ZNF564: variants seen among roughly 807,000 people sequenced by gnomAD.
ZNF564 encodes the protein zinc finger protein 564.
ZNF564 carries 5 observed loss-of-function variants against 10.5 expected under a neutral mutation model. That is an observed-to-expected ratio of 0.48 (90% CI 0.25 to 1.00). The LOEUF (loss-of-function observed/expected upper bound fraction) is 1.00. Among genes scored for constraint, ZNF564 ranks in the 50% least tolerant of loss-of-function variants. ZNF564 has a pLI of 0.16. For synonymous variants in ZNF564, 242 were observed against 218.1 expected, an observed-to-expected ratio of 1.11 and a Z score of -0.97; for missense variants, 603 against 669.7, an observed-to-expected ratio of 0.90 and a Z score of 1.10.
intron 3 of ZNF564, 135 bp from the exon 4 acceptor site, chr19:12,528,051 T>G: frequency 9.8e-7 from 1 of 1,016,990 alleles, no homozygotes; most frequent in Non-Finnish European, 1.4e-6. Flanking sequence ...AGTGAATGGA[T>G]GGAATGCTCT....
At chr19:12,528,531 T>C in intron 2 of ZNF564, 39 bp downstream of exon 2, 10 of 1,607,696 alleles carry the variant, frequency 6.2e-6, no homozygotes, top group Non-Finnish European at 8.5e-6. Flanking sequence ...AAATACTTCT[T>C]CTCTAACTGA....
Position 12,539,521 on chromosome 19 carries a change from A to G in ZNF564, c.4-10825T>C, listed in dbSNP as rs10421253. Among the ~76,000 whole-genome samples the G allele has an allele frequency of 9.9e-3, 1,419 of 143,512 alleles. 13 individuals are homozygous for G. The highest frequency in any genetic ancestry group is 0.035 in the African/African-American group (1,341 of 38,826). The allele number at this position is 143,512 out of a possible 152,430, so 94.1% of individuals were successfully genotyped here. ...AAAAATACAAAAAAAAAAAAAAAAG[A>G]GTAGGGCAAGGTGGCACGTACCTGT... On this transcript the variant is annotated intron_variant, in intron 1 of 3. Transcript: ENST00000339282.
At chr19:12,548,323 T>G (rs1431963501) in intron 1 of ZNF564, 1 of 224,168 alleles carries the variant, frequency 4.5e-6, no homozygotes, top group East Asian at 1.8e-4. Flanking sequence ...GTTCACGTCA[T>G]TCTCCTGCCT....
At chr19:12,547,521 G>T (rs1435163679) in intron 1 of ZNF564, among the ~76,000 whole-genome samples, 2 of 152,108 alleles carry the variant, frequency 1.3e-5, no homozygotes, top group Admixed American at 1.3e-4. Context: ...GGAGCCCATG[G>T]TTTACTGTTA....
At chr19:12,528,255 A>G in intron 3 of ZNF564, 49 bp downstream of exon 3, 3 of 1,519,090 alleles carry the variant, frequency 2.0e-6, no homozygotes, top group South Asian at 2.4e-5. Context: ...TTAAAATTTC[A>G]TGACATACTA....
chr19:12,548,408 G>C (rs1399478114), intron 1 of ZNF564, among the ~76,000 whole-genome samples: 1 of 151,916 alleles, frequency 6.6e-6, no homozygotes, highest in Non-Finnish European at 1.5e-5. Flanking sequence ...GTAGAGACCG[G>C]GTTTCACTGT....
Position 12,551,207 on chromosome 19 carries a change from A to G in ZNF564, c.3+123T>C, listed in dbSNP as rs1185838233. 12 of 1,155,368 alleles carry G rather than the reference A, an allele frequency of 1.0e-5. 1 individual carries two copies. The South Asian group carries it at 1.6e-4, about 15-fold the overall frequency. The allele number at this position is 1,155,368 out of a possible 1,614,324, so 71.6% of individuals were successfully genotyped here. A position where few individuals can be genotyped will look rare whatever the true frequency, so the allele number is the denominator to read the frequency against. On this transcript the variant is annotated intron_variant, in intron 1 of 3. Transcript: ENST00000339282. ...AGGGGACAGAGGGCCGAGCTGCGCC[A>G]GGGAACTCGGGTCCCAGACCCTGGA...
At chr19:12,539,151 T>C (rs749338856) in intron 1 of ZNF564, among the ~76,000 whole-genome samples, 2 of 150,008 alleles carry the variant, frequency 1.3e-5, no homozygotes, top group Non-Finnish European at 3.0e-5. Flanking sequence ...GAAGAATCGC[T>C]TGAATCTAGG....
Position 12,527,663 on chromosome 19 carries a change from C to T in ZNF564, c.445G>A (p.Ala149Thr), listed in dbSNP as rs1394959067. The T allele has an allele frequency of 6.2e-7, 1 of 1,614,188 alleles. No individual in the cohort carries two copies. Among genetic ancestry groups the T allele is most frequent in the Non-Finnish European group, 8.5e-7 (1 of 1,180,028 alleles). The change falls in exon 4 of 4, where the codon GCC (alanine) becomes ACC (threonine). Residue 149 changes from alanine to threonine, a missense_variant. Physicochemically the swap from Ala to Thr is moderately conservative, Grantham distance 58. Transcript: ENST00000339282. ...CGAAAGGATTGACAAGAACTGAAGGCTTTCCCACACTGCTTACATTTATAT... is the reference window on the plus strand; with the variant it reads ...CGAAAGGATTGACAAGAACTGAAGGTTTTCCCACACTGCTTACATTTATAT... ...KPYKCKQCGK[A>T]FSSCQSFRRH...
intron 1 of ZNF564, among the ~76,000 whole-genome samples, chr19:12,541,186 G>C (rs1265785763): frequency 6.6e-6 from 1 of 151,292 alleles, no homozygotes; most frequent in East Asian, 1.9e-4. Flanking sequence ...AGGAAGTCTA[G>C]GCTGCAGTGA....
Position 12,526,431 on chromosome 19 carries a change from T to C in ZNF564, c.*15A>G. 1.9e-6 allele frequency: 3 copies of C among 1,558,726 alleles called. No individual in the cohort carries two copies. Among genetic ancestry groups the C allele is most frequent in the African/African-American group, 1.4e-5 (1 of 72,888 alleles). On this transcript the variant is annotated 3_prime_UTR_variant, in exon 4 of 4. Transcript: ENST00000339282. ...TATTCTTTAGATATGTAGATACTTG[T>C]AGACCTGTCCTCCACTATTCATTTT...
intron 1 of ZNF564, chr19:12,532,919 T>C (rs2021837122): frequency 6.6e-6 from 1 of 152,148 alleles, no homozygotes; most frequent in African/African-American, 2.4e-5. Context: ...CTTGTATAGT[T>C]GGAGACTGCA....
chr19:12,525,711 T>C lies in ZNF564; in HGVS notation c.*735A>G. 6.6e-6 allele frequency: 1 copy of C among 152,192 alleles called. No individual in the cohort carries two copies. Among genetic ancestry groups the C allele is most frequent in the South Asian group, 2.1e-4 (1 of 4,828 alleles). The allele number at this position is 152,192 out of a possible 1,614,324, so 9.4% of individuals were successfully genotyped here. On this transcript the variant is annotated 3_prime_UTR_variant, in exon 4 of 4. Transcript: ENST00000339282. The stretch of plus-strand genomic sequence containing the variant: ...GGTTGCTAAAACAAAATACCATAAA[T>C]TGGAAAGCTTAATTAATCAACAAAC...
intron 1 of ZNF564, among the ~76,000 whole-genome samples, chr19:12,539,426 G>A (rs1200876583): frequency 9.3e-5 from 14 of 151,272 alleles, no homozygotes; most frequent in South Asian, 4.2e-4. Flanking sequence ...TTGGGAGGCC[G>A]AGGCGGGTGG....
At chr19:12,542,681 G>A (rs745882897) in intron 1 of ZNF564, among the ~76,000 whole-genome samples, 13 of 145,574 alleles carry the variant, frequency 8.9e-5, no homozygotes, top group Non-Finnish European at 1.8e-4. Flanking sequence ...AAGGAAGGAA[G>A]GAAAGGAAAA....
intron 1 of ZNF564, among the ~76,000 whole-genome samples, chr19:12,533,344 G>T (rs2021844804): frequency 6.6e-6 from 1 of 152,134 alleles, no homozygotes; most frequent in African/African-American, 2.4e-5. Flanking sequence ...AAAAATTAGG[G>T]TATGCAGCAA....
chr19:12,546,324 T>C (rs1485175461), intron 1 of ZNF564, among the ~76,000 whole-genome samples: 1 of 152,166 alleles, frequency 6.6e-6, no homozygotes, highest in East Asian at 1.9e-4. Flanking sequence ...ATAGCTATGA[T>C]TAAAACACTC....
chr19:12,547,960 C>G (rs895188768), intron 1 of ZNF564, among the ~76,000 whole-genome samples: 1 of 151,298 alleles, frequency 6.6e-6, no homozygotes, highest in East Asian at 2.0e-4. Flanking sequence ...TACAGGCATG[C>G]GCCACCATGC....
At chr19:12,530,132 C>T (rs1304243558) in intron 1 of ZNF564, 1 of 152,270 alleles carries the variant, frequency 6.6e-6, no homozygotes, top group East Asian at 1.9e-4. Context: ...GCCAGAAGGC[C>T]CGTAGAAATC....
Sources: allele counts gnomAD v4.1 joint callset (sites outside exome capture counted in the v4.1 genomes callset), GRCh38; gene constraint gnomAD v4.1.1; transcripts MANE v1.5; gene names NCBI Gene and HGNC (gene_info 2026-07-23, HGNC 2026-07-21).